The following HHAT variants were observed in gnomAD, a reference collection of about 807,000 sequenced individuals.
HHAT encodes the protein hedgehog acyltransferase.
A neutral mutation model predicts 70.8 loss-of-function variants in HHAT; 47 were observed. The observed-to-expected ratio is 0.66, with a 90% confidence interval of 0.53 to 0.85. HHAT has a LOEUF of 0.85. HHAT is among the 40% of genes least tolerant of loss of function. HHAT has a pLI of 0.00. For synonymous variants in HHAT, 228 were observed against 247.6 expected, an observed-to-expected ratio of 0.92 and a Z score of 0.74; for missense variants, 609 against 604.8, an observed-to-expected ratio of 1.01 and a Z score of -0.07.
intron 4 of HHAT, among the ~76,000 whole-genome samples, chr1:210,399,041 A>G (rs903076910): frequency 2.6e-5 from 4 of 152,296 alleles, no homozygotes; most frequent in South Asian, 2.1e-4. Context: ...GGGATTTGCA[A>G]TTTACACTCC....
chr1:210,507,442 C>A (rs573961705), intron 8 of HHAT, among the ~76,000 whole-genome samples: 21 of 145,186 alleles, frequency 1.4e-4, no homozygotes, highest in Non-Finnish European at 2.4e-4. Context: ...CTCACTGTAA[C>A]CTCCGCCTCC....
intron 7 of HHAT, among the ~76,000 whole-genome samples, chr1:210,437,718 A>G (rs2093412308): frequency 6.6e-6 from 1 of 151,794 alleles, no homozygotes; most frequent in African/African-American, 2.4e-5. Context: ...ATGGGTCACA[A>G]ATATCTCCCC....
chr1:210,581,149 CT>C (rs771770101), intron 9 of HHAT, among the ~76,000 whole-genome samples: 4 of 152,294 alleles, frequency 2.6e-5, no homozygotes, highest in Non-Finnish European at 4.4e-5. Context: ...TGTTCATATC[CT>C]TTTCCCACTT....
At chr1:210,333,003 G>C (rs1401490238) in intron 1 of HHAT, among the ~76,000 whole-genome samples, 1 of 152,182 alleles carries the variant, frequency 6.6e-6, no homozygotes, top group Non-Finnish European at 1.5e-5. Context: ...TGCAGTGCAG[G>C]AAACAGGCAC....
At chr1:210,413,548 G>T (rs1381430237) in intron 6 of HHAT, among the ~76,000 whole-genome samples, 1 of 152,194 alleles carries the variant, frequency 6.6e-6, no homozygotes, top group Non-Finnish European at 1.5e-5. Flanking sequence ...GAGCCAAGTT[G>T]CACCTTCAAC....
intron 8 of HHAT, among the ~76,000 whole-genome samples, chr1:210,481,165 A>T (rs1358742483): frequency 6.6e-6 from 1 of 152,192 alleles, no homozygotes; most frequent in Non-Finnish European, 1.5e-5. Context: ...GGGTTGCAGT[A>T]TACAGTTAAT....
In HHAT at chr1:210,661,713, A is replaced by G. The variant is rs542779915; in HGVS notation, c.1391-12575A>G. Among the ~76,000 whole-genome samples, 76 of 152,352 alleles carry G rather than the reference A, an allele frequency of 5.0e-4. 1 individual carries two copies. Among genetic ancestry groups the G allele is most frequent in the African/African-American group, 1.8e-3 (73 of 41,584 alleles). ...TGGCATATGTATACCATGGAATACT[A>G]TGCAGCCATAAAAAAGGATGAGTTC... On this transcript the variant is annotated intron_variant, in intron 11 of 11. Transcript: ENST00000261458.
At chr1:210,373,003 T>A (rs1439175153) in intron 3 of HHAT, among the ~76,000 whole-genome samples, 5 of 152,176 alleles carry the variant, frequency 3.3e-5, no homozygotes, top group South Asian at 2.1e-4. Context: ...AACTTTCAGG[T>A]GCAGCTTTAG....
chr1:210,403,403 A>G (rs1266311808), intron 5 of HHAT, among the ~76,000 whole-genome samples: 1 of 152,218 alleles, frequency 6.6e-6, no homozygotes, highest in Non-Finnish European at 1.5e-5. Context: ...TCAGTTATAG[A>G]TGTTGGAGGT....
chr1:210,664,323 C>T (rs1318447490), intron 11 of HHAT, among the ~76,000 whole-genome samples: 2 of 152,212 alleles, frequency 1.3e-5, no homozygotes, highest in African/African-American at 2.4e-5. Context: ...GATTTAAATA[C>T]AGCTGCCAAG....
chr1:210,637,865 A>AAC (rs1553312410), intron 11 of HHAT, among the ~76,000 whole-genome samples: 1 of 130,348 alleles, frequency 7.7e-6, no homozygotes, highest in African/African-American at 2.7e-5. Flanking sequence ...TCTCAAAAAA[A>AAC]AAAAAAGGGG....
At chr1:210,641,439 A>T (rs973464681) in intron 11 of HHAT, among the ~76,000 whole-genome samples, 1 of 152,194 alleles carries the variant, frequency 6.6e-6, no homozygotes, top group South Asian at 2.1e-4. Flanking sequence ...AAGTAATTGC[A>T]GTTTTTGCCA....
At chr1:210,384,281 G>T (rs760408801) in intron 3 of HHAT, among the ~76,000 whole-genome samples, 15 of 152,148 alleles carry the variant, frequency 9.9e-5, no homozygotes, top group Non-Finnish European at 2.1e-4. Context: ...GCTTTGAACG[G>T]TGAACGGGAG....
intron 7 of HHAT, among the ~76,000 whole-genome samples, chr1:210,437,321 C>T (rs1389464183): frequency 6.6e-6 from 1 of 151,900 alleles, no homozygotes; most frequent in Non-Finnish European, 1.5e-5. Context: ...TGTCTGATAA[C>T]ATGACAGTGA....
chr1:210,503,050 C>A lies in HHAT; in HGVS notation c.1008-10103C>A, dbSNP rs147688966. On this transcript the variant is annotated intron_variant, in intron 8 of 11. Coordinates refer to ENST00000261458, the MANE Select transcript of HHAT (RefSeq NM_018194.6). ...GCACAATCCTGGCCCACTGCAACCT[C>A]CTGGGTTCAGGTGATTCTCATGCCT... 3.5e-3 allele frequency among the ~76,000 whole-genome samples: 540 copies of A among 152,180 alleles called. 3 individuals carry two copies. The highest frequency in any genetic ancestry group is 0.012 in the African/African-American group (516 of 41,508).
At chr1:210,606,788 A>C (rs1234658090) in intron 10 of HHAT, among the ~76,000 whole-genome samples, 1 of 152,188 alleles carries the variant, frequency 6.6e-6, no homozygotes, top group African/African-American at 2.4e-5. Flanking sequence ...CACTTGATTG[A>C]TTAGGCACTG....
intron 6 of HHAT, among the ~76,000 whole-genome samples, chr1:210,416,570 T>C (rs1445149284): frequency 3.3e-5 from 5 of 152,228 alleles, no homozygotes; most frequent in African/African-American, 1.2e-4. Flanking sequence ...TTTAAGTTAC[T>C]GTGCATCTCT....
At chr1:210,385,498 T>C (rs530211363) in intron 3 of HHAT, among the ~76,000 whole-genome samples, 1 of 152,302 alleles carries the variant, frequency 6.6e-6, no homozygotes, top group Non-Finnish European at 1.5e-5. Context: ...CTGTGCTGCC[T>C]GGCTGTGTGT....
chr1:210,482,291 G>A (rs2094409203), intron 8 of HHAT, among the ~76,000 whole-genome samples: 1 of 152,146 alleles, frequency 6.6e-6, no homozygotes, highest in Non-Finnish European at 1.5e-5. Flanking sequence ...CCACCTTTCT[G>A]GAACATCTCA....
Sources: gnomAD v4.1 joint callset for allele counts (sites outside exome capture counted in the v4.1 genomes callset) on GRCh38, gnomAD v4.1.1 for gene constraint, MANE v1.5 for transcripts, NCBI Gene and HGNC (gene_info 2026-07-23, HGNC 2026-07-21) for gene names.